Variants in ANK3 observed in about 807,000 individuals in gnomAD.
ANK3 encodes ankyrin-3.
A neutral mutation model predicts 370.9 loss-of-function variants in ANK3; 57 were observed. The ratio of observed to expected loss-of-function variants is 0.15; its 90% CI spans 0.12 to 0.19. The LOEUF (loss-of-function observed/expected upper bound fraction) is 0.19, where lower values mean the gene tolerates loss of function less well. ANK3 is among the 10% of genes least tolerant of loss of function. The probability of loss-of-function intolerance (pLI) is 1.00; values close to 1 mark genes in which losing one functional copy is unlikely to be tolerated. For missense variants in ANK3, 4,439 were observed against 5,302.1 expected (o/e 0.84, Z 5.06); for synonymous variants, 1,929 against 1,946.3 (o/e 0.99, Z 0.23).
intron 42 of ANK3, chr10:60,053,778 G>A: frequency 1.6e-6 from 2 of 1,287,760 alleles, no homozygotes; most frequent in South Asian, 1.2e-5. Context: ...TCATACATCA[G>A]ATGACCTAGT....
intron 2 of ANK3, among the ~76,000 whole-genome samples, chr10:60,448,606 T>C (rs1226041916): frequency 2.0e-5 from 3 of 152,240 alleles, no homozygotes; most frequent in Admixed American, 2.0e-4. Flanking sequence ...GGCTAAGTCT[T>C]AGTTACCTGC....
chr10:60,444,261 G>A (rs1156759514), intron 2 of ANK3, among the ~76,000 whole-genome samples: 1 of 151,668 alleles, frequency 6.6e-6, no homozygotes, highest in Non-Finnish European at 1.5e-5. Context: ...GAGCAAAACT[G>A]AATAATTCTG....
At chr10:60,203,140 C>A in intron 11 of ANK3, 40 bp from the exon 12 acceptor site, 1 of 1,508,802 alleles carries the variant, frequency 6.6e-7, no homozygotes, top group Non-Finnish European at 9.2e-7. Flanking sequence ...GTTGGCTTAG[C>A]ATAAAAAAGG....
At chr10:60,044,146 A>G (rs775364123) in intron 42 of ANK3, 47 of 985,672 alleles carry the variant, frequency 4.8e-5, no homozygotes, top group Non-Finnish European at 5.4e-5. Context: ...GTAGGAAGTA[A>G]TGGTGAAAAG....
intron 2 of ANK3, among the ~76,000 whole-genome samples, chr10:60,593,649 G>T (rs1030453543): frequency 2.0e-5 from 3 of 151,982 alleles, no homozygotes; most frequent in African/African-American, 7.3e-5. Context: ...GGCCTTTAAG[G>T]CTAGGAGGCC....
chr10:60,543,229 TG>T (rs1047707917), intron 2 of ANK3, among the ~76,000 whole-genome samples: 4 of 151,952 alleles, frequency 2.6e-5, no homozygotes, highest in Admixed American at 1.3e-4. Flanking sequence ...TGGGACAATT[TG>T]GGGGATACTC....
intron 2 of ANK3, among the ~76,000 whole-genome samples, chr10:60,399,438 A>G (rs945791869): frequency 1.3e-5 from 2 of 152,172 alleles, no homozygotes; most frequent in African/African-American, 4.8e-5. Context: ...GGGAAGGGCC[A>G]GATGGTTTTG....
At chr10:60,501,793 G>C (rs1223276195) in intron 2 of ANK3, among the ~76,000 whole-genome samples, 1 of 151,646 alleles carries the variant, frequency 6.6e-6, no homozygotes, top group South Asian at 2.1e-4. Flanking sequence ...GGGTAACATA[G>C]TGAGACCCCA....
At chr10:60,067,870 T>C (rs1007568665) in intron 38 of ANK3, 65 bp downstream of exon 38, 8 of 1,329,940 alleles carry the variant, frequency 6.0e-6, no homozygotes, top group Non-Finnish European at 8.4e-6. Flanking sequence ...TATATTGAAC[T>C]GCTTGTGAGT....
At chr10:60,709,886 G>A (rs2079678363) in intron 1 of ANK3, among the ~76,000 whole-genome samples, 1 of 151,620 alleles carries the variant, frequency 6.6e-6, no homozygotes, top group Non-Finnish European at 1.5e-5. Context: ...TATATTTATA[G>A]TTCCATACTG....
At chr10:60,541,716 C>T (rs1226948575) in intron 2 of ANK3, among the ~76,000 whole-genome samples, 2 of 151,818 alleles carry the variant, frequency 1.3e-5, no homozygotes, top group African/African-American at 4.8e-5. Flanking sequence ...ACTTACTAGG[C>T]TAGAATATGG....
chr10:60,590,599 A>G (rs1567167915), intron 2 of ANK3, among the ~76,000 whole-genome samples: 1 of 152,240 alleles, frequency 6.6e-6, no homozygotes, highest in Non-Finnish European at 1.5e-5. Context: ...ATATATCTGC[A>G]GTAACATCAT....
At chr10:60,423,820 T>C (rs1361024807) in intron 2 of ANK3, among the ~76,000 whole-genome samples, 1 of 152,040 alleles carries the variant, frequency 6.6e-6, no homozygotes, top group Non-Finnish European at 1.5e-5. Flanking sequence ...CTAAATTTGG[T>C]AGTATCCCTG....
intron 1 of ANK3, chr10:60,684,837 CA>C: frequency 1.3e-6 from 2 of 1,505,428 alleles, no homozygotes; most frequent in Non-Finnish European, 1.8e-6. Context: ...TGGAAGAAGC[CA>C]AAACTGAACT....
At chr10:60,722,703 T>C (rs1589078447) in intron 1 of ANK3, among the ~76,000 whole-genome samples, 1 of 152,210 alleles carries the variant, frequency 6.6e-6, no homozygotes, top group East Asian at 1.9e-4. Context: ...TGGGGGCAGA[T>C]CCCTCATGAA....
At chr10:60,406,648 C>CG (rs1203936004) in intron 2 of ANK3, among the ~76,000 whole-genome samples, 1 of 152,058 alleles carries the variant, frequency 6.6e-6, no homozygotes, top group African/African-American at 2.4e-5. Context: ...GTCCACAGCC[C>CG]GGGGGCTGAG....
At position 60,586,829 on chromosome 10, in the gene ANK3, C is replaced by G. The variant is rs149282242; in HGVS notation, c.96+28357G>C. 4.5e-3 allele frequency among the ~76,000 whole-genome samples: 686 copies of G among 152,210 alleles called. 5 individuals are homozygous for G. The highest frequency in any genetic ancestry group is 0.015 in the African/African-American group (636 of 41,536). On this transcript the variant is annotated intron_variant, in intron 2 of 43. Coordinates refer to the ANK3 transcript ENST00000373827. ...AAAACGTAGGTATCTGTCCACTTTC[C>G]TTTTTGTATTTTTCCACTGAAAGTA...
At chr10:60,653,266 A>G (rs1428205321) in intron 1 of ANK3, among the ~76,000 whole-genome samples, 1 of 152,106 alleles carries the variant, frequency 6.6e-6, no homozygotes, top group Non-Finnish European at 1.5e-5. Context: ...GTTTTCTTCT[A>G]GAAGATTTAC....
At chr10:60,582,600 T>C (rs898474518) in intron 2 of ANK3, among the ~76,000 whole-genome samples, 3 of 151,452 alleles carry the variant, frequency 2.0e-5, no homozygotes, top group Non-Finnish European at 1.5e-5. Context: ...TATGTGGCTC[T>C]GGACAAGCCA....
Sources: allele counts gnomAD v4.1 joint callset (sites outside exome capture counted in the v4.1 genomes callset), GRCh38; gene constraint gnomAD v4.1.1; transcripts MANE v1.5; gene names NCBI Gene and HGNC (gene_info 2026-07-23, HGNC 2026-07-21).